HK1: variants seen among roughly 807,000 people sequenced by gnomAD.
HK1 encodes the protein hexokinase 1.
Under a neutral mutation model 91.6 loss-of-function variants are expected in HK1, and 28 were observed. The ratio of observed to expected loss-of-function variants is 0.31; its 90% CI spans 0.23 to 0.42. The LOEUF is 0.42. Among genes scored for constraint, HK1 ranks in the 10% least tolerant of loss-of-function variants. The pLI is 1.00. For missense variants in HK1, 770 were observed against 1,219.8 expected, an observed-to-expected ratio of 0.63 and a Z score of 5.49; for synonymous variants, 430 against 468.1, an observed-to-expected ratio of 0.92 and a Z score of 1.05.
At chr10:69,271,871 TTCTTTTTTTTGAGATGGAGTTTTGC>T (rs1844189252) in intron 1 of HK1, among the ~76,000 whole-genome samples, 2 of 151,922 alleles carry the variant, frequency 1.3e-5, no homozygotes, top group Admixed American at 1.3e-4. Flanking sequence ...CTCTTTTTTT[TTCTTTTTTTTGAGATGGAGTTTTGC>T]TCTGTTGCCC....
intron 5 of HK1, among the ~76,000 whole-genome samples, chr10:69,305,472 T>G (rs1846060793): frequency 6.6e-6 from 1 of 152,112 alleles, no homozygotes. Flanking sequence ...TATATTTAAT[T>G]AGCCATTTGT....
intron 11 of HK1, 74 bp from the exon 12 acceptor site, chr10:69,384,722 C>T (rs1839550386): frequency 3.8e-6 from 6 of 1,596,548 alleles, no homozygotes; most frequent in East Asian, 2.2e-5. Context: ...TGTGTGTATA[C>T]ACACTTTGGT....
intron 3 of HK1, among the ~76,000 whole-genome samples, chr10:69,293,952 C>T (rs1454337221): frequency 2.7e-5 from 4 of 150,226 alleles, no homozygotes; most frequent in African/African-American, 4.9e-5. Flanking sequence ...AGCTCCGCCT[C>T]CCGGGTTCAC....
Position 69,386,061 on chromosome 10 carries a change from C to T in HK1, c.1840-262C>T, listed in dbSNP as rs568082500. Among the ~76,000 whole-genome samples, 4 of 152,256 alleles carry T rather than the reference C, an allele frequency of 2.6e-5. No homozygotes were observed. In the South Asian group the frequency reaches 8.3e-4, roughly 32 times the overall value. On this transcript the variant is annotated intron_variant, in intron 12 of 17. Coordinates refer to ENST00000359426, the MANE Select transcript of HK1 (RefSeq NM_000188.3). ...TGTCCAGTATTGAGTGCCGTCTTTG[C>T]CGTCTGCTGAGTGAACTTAGACATT...
At chr10:69,275,078 TA>T in intron 1 of HK1, among the ~76,000 whole-genome samples, 1 of 152,182 alleles carries the variant, frequency 6.6e-6, no homozygotes, top group East Asian at 1.9e-4. Flanking sequence ...TATCCATATA[TA>T]TTTTTTCTAA....
intron 16 of HK1, among the ~76,000 whole-genome samples, chr10:69,398,039 C>T (rs991323111): frequency 3.9e-5 from 6 of 152,196 alleles, no homozygotes; most frequent in African/African-American, 9.7e-5. Context: ...AGCAAAAGCT[C>T]GTTGACCCAG....
Position 69,338,562 on chromosome 10 carries a change from A to G in HK1, c.64-5265A>G, listed in dbSNP as rs1354337306. On this transcript the variant is annotated intron_variant, in intron 1 of 17. Coordinates refer to ENST00000359426, the MANE Select transcript of HK1 (RefSeq NM_000188.3). ...AGTGGTGCTGTGCGGTGTCCTCCCC[A>G]ACTCCCAAATGGAGTGTGGGGAGGG... The G allele has an allele frequency of 3.1e-6, 4 of 1,289,672 alleles. No homozygotes were observed. The East Asian group carries it at 1.7e-4, about 54-fold the overall frequency. 79.9% of individuals were successfully genotyped at this position (1,289,672 alleles called of 1,614,324 possible).
In HK1 at chr10:69,369,551, G is replaced by A; in HGVS notation, c.802G>A (p.Gly268Arg). ...NTEWGAFGDD[G>R]SLEDIRTEFD... ...AGAATGGGGAGCCTTTGGAGACGAT[G>A]GATCATTAGAAGACATCCGGACAGA... Residue 268 changes from glycine to arginine, a missense_variant, in exon 7 of 18, where the codon GGA becomes AGA. By Grantham distance (125) the Gly-to-Arg change is moderately radical. Transcript: ENST00000359426. The surrounding 1 kb of genome is among the most constrained non-coding windows in gnomAD (Gnocchi z 4.4). The A allele has an allele frequency of 1.9e-6, 3 of 1,614,226 alleles. No individual in the cohort carries two copies. The highest frequency in any genetic ancestry group is 1.3e-5 in the African/African-American group (1 of 75,050).
At chr10:69,363,352 G>A (rs61503350) in intron 3 of HK1, among the ~76,000 whole-genome samples, 7,307 of 152,292 alleles carry the variant, frequency 0.048, 590 homozygotes, top group African/African-American at 0.17. Context: ...CACTCTTCTG[G>A]TTAGAACACA....
intron 1 of HK1, among the ~76,000 whole-genome samples, chr10:69,320,726 T>C (rs933391612): frequency 1.3e-5 from 2 of 152,076 alleles, no homozygotes; most frequent in African/African-American, 4.8e-5. Context: ...ACCTCCAGTG[T>C]CCACACCCAC....
intron 10 of HK1, among the ~76,000 whole-genome samples, chr10:69,384,121 C>G (rs376978763): frequency 1.3e-4 from 20 of 152,316 alleles, no homozygotes; most frequent in African/African-American, 3.6e-4. Context: ...CTCACATGCT[C>G]TCCTCCCAGT....
upstream of HK1, chr10:69,318,349 C>G (rs1405221677): frequency 3.8e-5 from 17 of 442,968 alleles, no homozygotes; most frequent in Non-Finnish European, 4.8e-5. Flanking sequence ...CTGCAAGTCC[C>G]CTCCGGCACC....
chr10:69,286,021 A>G (rs2394540), intron 2 of HK1, among the ~76,000 whole-genome samples: 13,640 of 152,220 alleles, frequency 0.09, 1,079 homozygotes, highest in African/African-American at 0.21. Flanking sequence ...ATAAATACCA[A>G]TGGGAAAGAG....
At chr10:69,345,408 T>A (rs1229672792) in intron 2 of HK1, among the ~76,000 whole-genome samples, 6 of 152,114 alleles carry the variant, frequency 3.9e-5, no homozygotes, top group Non-Finnish European at 8.8e-5. Context: ...AAGAAAGAAC[T>A]TTATATATAG....
rs373483970 is a variant in HK1, at chr10:69,303,618, T to C, written c.27+2757T>C. ...CCACTTGGACTGGCCTCTGGATCCGTCACCAGAGGGAGGCTACCGAACCAG... is the reference window on the plus strand; with the variant it reads ...CCACTTGGACTGGCCTCTGGATCCGCCACCAGAGGGAGGCTACCGAACCAG... On this transcript the variant is annotated intron_variant, in intron 5 of 21. Coordinates refer to the HK1 transcript ENST00000360289. Among the ~76,000 whole-genome samples, 309 of 152,140 alleles carry C rather than the reference T, an allele frequency of 2.0e-3. 2 individuals are homozygous for C. The highest frequency in any genetic ancestry group is 6.9e-3 in the African/African-American group (285 of 41,508).
At chr10:69,293,812 G>A (rs1488072212) in intron 3 of HK1, among the ~76,000 whole-genome samples, 1 of 151,404 alleles carries the variant, frequency 6.6e-6, no homozygotes, top group African/African-American at 2.4e-5. Flanking sequence ...GGTTCCAAGA[G>A]CAGCATGGGA....
intron 2 of HK1, among the ~76,000 whole-genome samples, chr10:69,344,809 G>GC (rs1848469459): frequency 6.6e-6 from 1 of 150,944 alleles, no homozygotes; most frequent in African/African-American, 2.4e-5. Context: ...GCTTGCTCCA[G>GC]CGTGGCGCCC....
intron 5 of HK1, among the ~76,000 whole-genome samples, chr10:69,306,798 C>G (rs961447343): frequency 1.3e-5 from 2 of 152,118 alleles, no homozygotes; most frequent in Admixed American, 1.3e-4. Context: ...GTGAGGGAAG[C>G]CCCCTGGGAA....
At chr10:69,305,040 C>T (rs949098186) in intron 5 of HK1, among the ~76,000 whole-genome samples, 2 of 152,154 alleles carry the variant, frequency 1.3e-5, no homozygotes, top group Non-Finnish European at 2.9e-5. Flanking sequence ...CCCATCCCTG[C>T]CTGCATCTTT....
Sources: gnomAD v4.1 joint callset for allele counts (sites outside exome capture counted in the v4.1 genomes callset) on GRCh38, gnomAD v4.1.1 for gene constraint, Gnocchi (gnomAD v3.1) non-coding constraint, MANE v1.5 for transcripts, NCBI Gene and HGNC (gene_info 2026-07-23, HGNC 2026-07-21) for gene names.